MTM1: variants seen among roughly 807,000 people sequenced by gnomAD.
MTM1 encodes the protein myotubularin.
Under a neutral mutation model 52.1 loss-of-function variants are expected in MTM1, and 9 were observed. That is an observed-to-expected ratio of 0.17 (90% confidence interval 0.10 to 0.30). MTM1 has a LOEUF of 0.30. Among genes scored for constraint, MTM1 ranks in the 10% least tolerant of loss-of-function variants. The pLI is 1.00. For missense variants in MTM1, 277 were observed against 470.7 expected (o/e 0.59, Z 3.81); for synonymous variants, 136 against 163.8 (o/e 0.83, Z 1.29).
chrX:150,600,252 A>G (rs894614829), intron 4 of MTM1, among the ~76,000 whole-genome samples: 1 of 111,896 alleles, frequency 8.9e-6, no homozygotes, highest in Non-Finnish European at 1.9e-5. Context: ...AGGTGATGGG[A>G]TCAGGGTTTG....
chrX:150,601,126 C>G (rs968990965), intron 4 of MTM1, among the ~76,000 whole-genome samples: 2 of 111,664 alleles, frequency 1.8e-5, no homozygotes, highest in African/African-American at 6.5e-5. Context: ...GAATTCTCAG[C>G]AAGTTTTATT....
At chrX:150,659,789 C>T (rs781927438) in intron 12 of MTM1, 33 bp downstream of exon 12, 2 of 1,064,302 alleles carry the variant, frequency 1.9e-6, no homozygotes, top group Non-Finnish European at 2.6e-6. Context: ...ATACATTCAA[C>T]TCATTGTTTA....
At chrX:150,583,601 AT>A (rs2038686487) in intron 1 of MTM1, among the ~76,000 whole-genome samples, 1 of 32,914 alleles carries the variant, frequency 3.0e-5, no homozygotes, top group Non-Finnish European at 4.5e-5. Context: ...TTTATATATA[AT>A]ATATAATTTA....
At chrX:150,620,842 C>T (rs1163250415) in intron 6 of MTM1, among the ~76,000 whole-genome samples, 2 of 111,258 alleles carry the variant, frequency 1.8e-5, no homozygotes, top group African/African-American at 3.3e-5. Context: ...GCTCATCTGG[C>T]GCAGTGGCTC....
At chrX:150,667,457 T>C (rs1265093425) in intron 14 of MTM1, among the ~76,000 whole-genome samples, 1 of 111,636 alleles carries the variant, frequency 9.0e-6, no homozygotes, top group East Asian at 2.8e-4. Flanking sequence ...GTTATGTTCG[T>C]TGTTTGTCCG....
chrX:150,656,450 G>A (rs2040116090), intron 10 of MTM1, among the ~76,000 whole-genome samples: 1 of 111,895 alleles, frequency 8.9e-6, no homozygotes, highest in South Asian at 3.7e-4. Context: ...GCATGGCACT[G>A]CCAGCACTGT....
chrX:150,588,645 T>C lies in MTM1; in HGVS notation c.-10-3960T>C, dbSNP rs1006662651. 2.7e-5 allele frequency among the ~76,000 whole-genome samples: 3 copies of C among 111,825 alleles called. No homozygotes were observed. In the Admixed American group the frequency reaches 2.8e-4, roughly 11 times the overall value. ...TGCCTCCACAGATTCAACTGACCAA[T>C]CCCAGCCCCCTGTACTGGGACGGCT... On this transcript the variant is annotated intron_variant, in intron 1 of 14. Transcript: ENST00000370396.
chrX:150,620,852 C>T (rs781815606), intron 6 of MTM1, among the ~76,000 whole-genome samples: 11 of 111,326 alleles, frequency 9.9e-5, no homozygotes, highest in African/African-American at 3.3e-4. Flanking sequence ...CGCAGTGGCT[C>T]ACGCCTGTAA....
At chrX:150,564,385 T>A (rs183931875), upstream of MTM1, among the ~76,000 whole-genome samples, 121 of 111,207 alleles carry the variant, frequency 1.1e-3, no homozygotes, top group Middle Eastern at 4.6e-3. Flanking sequence ...TATTTTTTAT[T>A]ATTATTATTA....
chrX:150,625,104 G>A (rs1459132203), intron 6 of MTM1, among the ~76,000 whole-genome samples: 3 of 111,533 alleles, frequency 2.7e-5, no homozygotes, highest in Non-Finnish European at 5.6e-5. Flanking sequence ...TAACAAGCAT[G>A]TGCCATTGGA....
At chrX:150,624,730 G>A (rs1007726108) in intron 6 of MTM1, among the ~76,000 whole-genome samples, 2 of 111,737 alleles carry the variant, frequency 1.8e-5, no homozygotes, top group Non-Finnish European at 3.8e-5. Flanking sequence ...ATTTCTCTCC[G>A]GTGTATGTGT....
intron 6 of MTM1, among the ~76,000 whole-genome samples, chrX:150,631,284 A>G (rs920954036): frequency 5.3e-5 from 6 of 112,562 alleles, no homozygotes; most frequent in African/African-American, 1.3e-4. Flanking sequence ...CAGGCCTGCC[A>G]TGTTAATTCT....
At position 150,592,697 on chromosome X, in the gene MTM1, T is replaced by G; in HGVS notation, c.63+20T>G. 1 of 1,014,943 alleles carries G rather than the reference T, an allele frequency of 9.9e-7. No homozygotes were observed. The highest frequency in any genetic ancestry group is 1.4e-6 in the Non-Finnish European group (1 of 716,738). 83.6% of individuals were successfully genotyped at this position (1,014,943 alleles called of 1,213,427 possible). ...AAGAGGGTAAGTTGAATTTTCAGATTTATCTGTCTCTTTCCTTGCATTTAT... is the reference window on the plus strand; with the variant it reads ...AAGAGGGTAAGTTGAATTTTCAGATGTATCTGTCTCTTTCCTTGCATTTAT... On this transcript the variant is annotated intron_variant, in intron 2 of 14. Coordinates refer to ENST00000370396, the MANE Select transcript of MTM1 (RefSeq NM_000252.3).
At chrX:150,639,718 T>C (rs2039816698) in intron 7 of MTM1, among the ~76,000 whole-genome samples, 2 of 112,570 alleles carry the variant, frequency 1.8e-5, no homozygotes, top group South Asian at 7.2e-4. Flanking sequence ...TGTAGGCAGC[T>C]AGGAGTTGTG....
At chrX:150,663,285 C>G in intron 13 of MTM1, 148 bp from the exon 14 acceptor site, 1 of 615,733 alleles carries the variant, frequency 1.6e-6, no homozygotes, top group Non-Finnish European at 2.6e-6. Flanking sequence ...CTCACTGGCC[C>G]ATGAGGCTTT....
chrX:150,609,603 A>G (rs1557412924), intron 4 of MTM1, among the ~76,000 whole-genome samples: 1 of 111,417 alleles, frequency 9.0e-6, no homozygotes, highest in African/African-American at 3.3e-5. Context: ...TCTCAAACCA[A>G]GAGTTTCTAA....
intron 4 of MTM1, among the ~76,000 whole-genome samples, chrX:150,609,867 A>C (rs2039243068): frequency 9.0e-6 from 1 of 111,603 alleles, no homozygotes; most frequent in African/African-American, 3.3e-5. Context: ...CTAGTCCAGA[A>C]TGCTCAGTGC....
chrX:150,654,717 G>GC (rs2040081473), intron 10 of MTM1, among the ~76,000 whole-genome samples: 1 of 111,860 alleles, frequency 8.9e-6, no homozygotes, highest in South Asian at 3.7e-4. Flanking sequence ...CGAATAGTGA[G>GC]CATGGTATCC....
At chrX:150,619,218 C>A in intron 6 of MTM1, 79 bp downstream of exon 6, 1 of 700,558 alleles carries the variant, frequency 1.4e-6, no homozygotes, top group South Asian at 2.2e-5. Context: ...CTGGGATCCT[C>A]TTTCTTTTAA....
Sources: gnomAD v4.1 joint callset for allele counts (sites outside exome capture counted in the v4.1 genomes callset) on GRCh38, gnomAD v4.1.1 for gene constraint, MANE v1.5 for transcripts, NCBI Gene and HGNC (gene_info 2026-07-23, HGNC 2026-07-21) for gene names.